SYBU: variants seen among roughly 807,000 people sequenced by gnomAD.
SYBU encodes the protein syntabulin, also known as GOLSYN A protein.
In SYBU, 21 loss-of-function variants were observed where a neutral mutation model predicts 35.9. The ratio of observed to expected loss-of-function variants is 0.58; its 90% CI spans 0.41 to 0.84. The LOEUF is 0.84. Among genes scored for constraint, SYBU ranks in the 40% least tolerant of loss-of-function variants. The pLI, the probability that SYBU is intolerant of heterozygous loss-of-function variation, is 0.00. For synonymous variants in SYBU, 319 were observed against 324.3 expected, an observed-to-expected ratio of 0.98 and a Z score of 0.18; for missense variants, 768 against 848.2, an observed-to-expected ratio of 0.91 and a Z score of 1.17.
chr8:109,688,809 C>G (rs929793663), intron 1 of SYBU, among the ~76,000 whole-genome samples: 2 of 151,426 alleles, frequency 1.3e-5, no homozygotes, highest in African/African-American at 4.9e-5. Context: ...AAAACACCAG[C>G]TGTTATTTTC....
At position 109,667,390 on chromosome 8, in the gene SYBU, T is replaced by C. The variant is rs186364201; in HGVS notation, c.-129+13321A>G. ...CCTCCTAAAGTGCTGGGATTACCAATGTGAGCCACCGTGCCTGGCCCCTAC... is the reference window on the plus strand; with the variant it reads ...CCTCCTAAAGTGCTGGGATTACCAACGTGAGCCACCGTGCCTGGCCCCTAC... On this transcript the variant is annotated intron_variant, in intron 1 of 5. Transcript: ENST00000408889. Among the ~76,000 whole-genome samples the C allele has an allele frequency of 2.0e-4, 31 of 152,200 alleles. 2 individuals carry two copies. The East Asian group carries it at 6.0e-3, about 29-fold the overall frequency.
intron 2 of SYBU, among the ~76,000 whole-genome samples, chr8:109,626,685 A>G (rs1813014290): frequency 6.6e-6 from 1 of 152,146 alleles, no homozygotes; most frequent in African/African-American, 2.4e-5. Flanking sequence ...TGAGGCTGGC[A>G]GATCCCTTGA....
chr8:109,686,521 G>A (rs1025166847), intron 1 of SYBU, among the ~76,000 whole-genome samples: 12 of 152,066 alleles, frequency 7.9e-5, no homozygotes, highest in African/African-American at 2.9e-4. Flanking sequence ...AGTTAATTTG[G>A]TGTGTATTAA....
intron 2 of SYBU, among the ~76,000 whole-genome samples, chr8:109,635,240 T>C (rs1051036701): frequency 6.6e-6 from 1 of 152,234 alleles, no homozygotes; most frequent in East Asian, 1.9e-4. Flanking sequence ...GAGCACTGTT[T>C]AATGCACATT....
At chr8:109,632,020 G>A (rs1813682236) in intron 2 of SYBU, among the ~76,000 whole-genome samples, 1 of 152,038 alleles carries the variant, frequency 6.6e-6, no homozygotes, top group Non-Finnish European at 1.5e-5. Context: ...AAGAGAGGAG[G>A]AGAGACAGAG....
intron 3 of SYBU, among the ~76,000 whole-genome samples, chr8:109,611,901 A>G (rs1158278680): frequency 2.0e-5 from 3 of 152,220 alleles, no homozygotes; most frequent in African/African-American, 7.2e-5. Flanking sequence ...CATAATGTAC[A>G]TATGGACTGT....
At chr8:109,677,506 T>G (rs983606802) in intron 1 of SYBU, among the ~76,000 whole-genome samples, 1 of 152,194 alleles carries the variant, frequency 6.6e-6, no homozygotes, top group African/African-American at 2.4e-5. Flanking sequence ...AAACAACAGA[T>G]GAACCATCAT....
In SYBU at chr8:109,642,852, G is replaced by C. The variant is rs1032503122; in HGVS notation, c.105C>G (p.Pro35=). The C allele has an allele frequency of 2.2e-5, 36 of 1,610,392 alleles. No homozygotes were observed. The highest frequency in any genetic ancestry group is 3.1e-5 in the Non-Finnish European group (36 of 1,178,296). Residue 35 remains proline (P), a synonymous_variant, in exon 2 of 7, where the codon CCC becomes CCG. Transcript: ENST00000276646. The stretch of plus-strand genomic sequence containing the variant: ...CTGGGGACACTTTGTGCTGTTGTTG[G>C]GGCATATGGGGCCGAAGAATCAACC... The part of the protein sequence containing the change: ...IPRLILRPHM[P]QQQHKVSPAS...
intron 2 of SYBU, among the ~76,000 whole-genome samples, chr8:109,629,468 T>C (rs73319164): frequency 0.011 from 1,620 of 152,292 alleles, 25 homozygotes; most frequent in African/African-American, 0.035. Context: ...ACGCCACCTG[T>C]TCAAGCTTGT....
intron 3 of SYBU, among the ~76,000 whole-genome samples, chr8:109,608,683 A>G (rs1216329229): frequency 3.3e-5 from 5 of 152,236 alleles, no homozygotes; most frequent in African/African-American, 7.2e-5. Flanking sequence ...GTGACAGAAT[A>G]AGACTAATGC....
At chr8:109,645,932 C>T (rs1815648383), upstream of SYBU, 1 of 152,982 alleles carries the variant, frequency 6.5e-6, no homozygotes, top group Admixed American at 6.5e-5. Context: ...CAGCTCTATC[C>T]AGCTGATTGA....
Position 109,579,983 on chromosome 8 carries a change from TCCG to T in SYBU, c.547_549del (p.Arg183del), listed in dbSNP as rs1201522316. 6.2e-7 allele frequency: 1 copy of T among 1,613,086 alleles called. No individual in the cohort carries two copies. Among genetic ancestry groups the T allele is most frequent in the South Asian group, 1.1e-5 (1 of 91,028 alleles). ...GGCTTGTGTGACGAAGCTCCATTAC[TCCG>T]CCCATGAGGACCTCGACTGGGAGAA... On this transcript the variant is annotated inframe_deletion, in exon 5 of 7. Coordinates refer to ENST00000276646, the MANE Select transcript of SYBU (RefSeq NM_001099754.2).
In SYBU at chr8:109,642,835, A is replaced by C. The variant is rs753457711; in HGVS notation, c.122T>G (p.Val41Gly). The C allele has an allele frequency of 6.2e-7, 1 of 1,612,928 alleles. No individual in the cohort carries two copies. The highest frequency in any genetic ancestry group is 2.2e-5 in the East Asian group (1 of 44,774). ...GAAAGGAGACTCAGAGGCTGGGGAC[A>C]CTTTGTGCTGTTGTTGGGGCATATG... is the stretch of plus-strand genomic sequence containing the variant. ...RPHMPQQQHK[V>G]SPASESPFSE... Residue 41 changes from valine (V) to glycine (G), a missense_variant, in exon 2 of 7, where the codon GTG becomes GGG. Val to Gly is a moderately radical substitution (Grantham distance 109). Transcript: ENST00000276646.
chr8:109,611,063 C>T (rs1811113159), intron 3 of SYBU, among the ~76,000 whole-genome samples: 2 of 152,188 alleles, frequency 1.3e-5, no homozygotes, highest in African/African-American at 4.8e-5. Flanking sequence ...GTTTAGAAGT[C>T]TGTGTGTAAA....
chr8:109,577,705 CAG>C (rs1822504365), intron 6 of SYBU, among the ~76,000 whole-genome samples, 161 bp downstream of exon 6: 1 of 152,178 alleles, frequency 6.6e-6, no homozygotes, highest in African/African-American at 2.4e-5. Context: ...CCATATCACA[CAG>C]AGTTATGAAA....
intron 1 of SYBU, among the ~76,000 whole-genome samples, chr8:109,666,957 C>T (rs939521169): frequency 2.6e-5 from 4 of 152,010 alleles, no homozygotes; most frequent in African/African-American, 7.3e-5. Context: ...ATTTAAATAT[C>T]CCATCTGATT....
At chr8:109,639,699 G>A (rs966620129) in intron 2 of SYBU, among the ~76,000 whole-genome samples, 1 of 152,172 alleles carries the variant, frequency 6.6e-6, no homozygotes, top group Non-Finnish European at 1.5e-5. Context: ...CTTGTTCTCT[G>A]ACTTAACTGC....
intron 2 of SYBU, among the ~76,000 whole-genome samples, chr8:109,622,052 C>T (rs1812457683): frequency 6.6e-6 from 1 of 152,126 alleles, no homozygotes; most frequent in Non-Finnish European, 1.5e-5. Context: ...AGCTGACCAC[C>T]AGTTCAAATG....
At chr8:109,665,263 C>G (rs1282959338) in intron 1 of SYBU, among the ~76,000 whole-genome samples, 2 of 152,034 alleles carry the variant, frequency 1.3e-5, no homozygotes, top group East Asian at 3.9e-4. Context: ...TTTGGCCAAG[C>G]CTTCAACCTC....
Sources: allele counts gnomAD v4.1 joint callset (sites outside exome capture counted in the v4.1 genomes callset), GRCh38; gene constraint gnomAD v4.1.1; transcripts MANE v1.5; gene names NCBI Gene and HGNC (gene_info 2026-07-23, HGNC 2026-07-21).